Variants in DSCAM observed in about 807,000 individuals in gnomAD.
DSCAM encodes the protein cell adhesion molecule DSCAM.
Under a neutral mutation model 217.7 loss-of-function variants are expected in DSCAM, and 47 were observed. That is an observed-to-expected ratio of 0.22 (90% confidence interval 0.17 to 0.28). The LOEUF (loss-of-function observed/expected upper bound fraction) is 0.28. Ranked by LOEUF, DSCAM falls within the 10% of genes least tolerant of loss-of-function variation. The pLI, the probability that DSCAM is intolerant of heterozygous loss-of-function variation, is 1.00. For synonymous variants in DSCAM, 1,056 were observed against 1,015.3 expected (o/e 1.04, Z -0.76); for missense variants, 2,080 against 2,618.3 (o/e 0.79, Z 4.49).
intron 10 of DSCAM, among the ~76,000 whole-genome samples, chr21:40,285,984 A>C (rs1252925569): frequency 6.6e-6 from 1 of 152,130 alleles, no homozygotes; most frequent in Non-Finnish European, 1.5e-5. Flanking sequence ...GAAGAGGTCA[A>C]AACCATGGGT....
intron 3 of DSCAM, among the ~76,000 whole-genome samples, chr21:40,426,360 A>G (rs1435981630): frequency 6.6e-6 from 1 of 152,124 alleles, no homozygotes; most frequent in Non-Finnish European, 1.5e-5. Context: ...TTGTCCTTTC[A>G]TTGGCCATTC....
intron 3 of DSCAM, chr21:40,630,770 G>A (rs916135659): frequency 1.3e-5 from 2 of 152,280 alleles, no homozygotes; most frequent in Non-Finnish European, 1.5e-5. Context: ...CTGGAAGCCT[G>A]GACACAAACA....
chr21:40,797,466 A>G (rs2091701958), intron 1 of DSCAM, among the ~76,000 whole-genome samples: 1 of 152,220 alleles, frequency 6.6e-6, no homozygotes, highest in Non-Finnish European at 1.5e-5. Context: ...TGCATTTGAG[A>G]CACATTCTCC....
At chr21:40,129,590 A>C (rs1449149484) in intron 19 of DSCAM, among the ~76,000 whole-genome samples, 3 of 152,132 alleles carry the variant, frequency 2.0e-5, no homozygotes, top group African/African-American at 7.2e-5. Flanking sequence ...GGAGTGTGGA[A>C]AGCCACATGG....
At chr21:40,194,967 G>A (rs1212326150) in intron 11 of DSCAM, among the ~76,000 whole-genome samples, 2 of 152,138 alleles carry the variant, frequency 1.3e-5, no homozygotes, top group Non-Finnish European at 2.9e-5. Flanking sequence ...TTAGGAGAGT[G>A]TTTCACTATA....
At chr21:40,636,931 C>A (rs903824734) in intron 3 of DSCAM, among the ~76,000 whole-genome samples, 11 of 149,826 alleles carry the variant, frequency 7.3e-5, no homozygotes, top group Non-Finnish European at 1.5e-4. Context: ...CGGAATCAAG[C>A]CCAGCTTTGT....
intron 19 of DSCAM, among the ~76,000 whole-genome samples, chr21:40,133,429 T>A: frequency 6.6e-6 from 1 of 152,176 alleles, no homozygotes; most frequent in Non-Finnish European, 1.5e-5. Flanking sequence ...TGGCAAAGAA[T>A]AATAGAACTT....
At chr21:40,466,166 A>G (rs867011192) in intron 3 of DSCAM, among the ~76,000 whole-genome samples, 8 of 152,328 alleles carry the variant, frequency 5.3e-5, no homozygotes, top group Middle Eastern at 3.4e-3. Flanking sequence ...TGGAGATCAG[A>G]AGCCATCTCT....
chr21:40,626,886 C>A (rs913379114), intron 3 of DSCAM, among the ~76,000 whole-genome samples: 1 of 152,180 alleles, frequency 6.6e-6, no homozygotes, highest in African/African-American at 2.4e-5. Context: ...ACAAGTAGTA[C>A]AAAGCGAATG....
At chr21:40,245,292 T>C (rs1227504775) in intron 11 of DSCAM, among the ~76,000 whole-genome samples, 1 of 152,176 alleles carries the variant, frequency 6.6e-6, no homozygotes, top group Admixed American at 6.5e-5. Flanking sequence ...CTCATCCCTC[T>C]GAGTGGGAGG....
At chr21:40,293,261 G>C (rs1455372123) in intron 10 of DSCAM, among the ~76,000 whole-genome samples, 1 of 152,118 alleles carries the variant, frequency 6.6e-6, no homozygotes, top group Non-Finnish European at 1.5e-5. Flanking sequence ...CTTCTGGAAA[G>C]GACCTTAAAG....
At chr21:40,074,013 A>G (rs112054881) in intron 27 of DSCAM, among the ~76,000 whole-genome samples, 3,483 of 152,316 alleles carry the variant, frequency 0.023, 67 homozygotes, top group Non-Finnish European at 0.032. Flanking sequence ...ATGTACCAGA[A>G]TTCCATAAAA....
chr21:40,425,669 C>CAA (rs34174337), intron 3 of DSCAM, among the ~76,000 whole-genome samples: 181 of 68,792 alleles, frequency 2.6e-3, no homozygotes, highest in Admixed American at 3.8e-3. Context: ...ACTCGGTGTC[C>CAA]AAAAAAAAAA....
chr21:40,597,570 G>T, intron 3 of DSCAM, among the ~76,000 whole-genome samples: 1 of 126,262 alleles, frequency 7.9e-6, no homozygotes, highest in East Asian at 2.6e-4. Context: ...GCAGTGACAT[G>T]ATCTCGGCTC....
intron 3 of DSCAM, among the ~76,000 whole-genome samples, chr21:40,515,147 G>T (rs985559943): frequency 1.3e-5 from 2 of 152,042 alleles, no homozygotes; most frequent in Non-Finnish European, 1.5e-5. Context: ...AAGTGTTGAC[G>T]TTCCAGATTT....
At position 40,353,478 on chromosome 21, in the gene DSCAM, G is replaced by T; in HGVS notation, c.921C>A (p.Arg307=). The change falls in exon 5 of 33, where the codon CGC becomes CGA. Residue 307 remains arginine (R), a synonymous_variant. Transcript: ENST00000400454. ...NRYGTAKVIG[R]LYVKQPLKAT... is the part of the protein sequence containing the mutation. ...CGTCCAACTTACGTTTCACGTACAG[G>T]CGGCCTATCACCTTAGCAGTTCCGT... 4 of 1,604,418 alleles carry T rather than the reference G, an allele frequency of 2.5e-6. No individual in the cohort carries two copies. The highest frequency in any genetic ancestry group is 3.4e-6 in the Non-Finnish European group (4 of 1,177,376).
intron 32 of DSCAM, among the ~76,000 whole-genome samples, chr21:40,029,382 G>A (rs947827218): frequency 6.6e-6 from 1 of 151,360 alleles, no homozygotes; most frequent in Admixed American, 6.6e-5. Flanking sequence ...CCAGACACAA[G>A]GTTATGAGTT....
At chr21:40,083,872 C>G (rs756748919) in intron 24 of DSCAM, 36 bp downstream of exon 24, 18 of 1,543,814 alleles carry the variant, frequency 1.2e-5, no homozygotes, top group South Asian at 5.8e-5. Context: ...GATCACACAA[C>G]TAATCAACTA....
chr21:40,561,940 A>G (rs1212145901), intron 3 of DSCAM, among the ~76,000 whole-genome samples: 2 of 152,232 alleles, frequency 1.3e-5, no homozygotes, highest in Non-Finnish European at 2.9e-5. Context: ...TTCAATCCAC[A>G]TATTTTTCAT....
Sources: gnomAD v4.1 joint callset for allele counts (sites outside exome capture counted in the v4.1 genomes callset) on GRCh38, gnomAD v4.1.1 for gene constraint, MANE v1.5 for transcripts, NCBI Gene and HGNC (gene_info 2026-07-23, HGNC 2026-07-21) for gene names.